The following LGR5 variants were observed in gnomAD, a reference collection of about 807,000 sequenced individuals.
LGR5 encodes leucine-rich repeat-containing G protein-coupled receptor 5.
Under a neutral mutation model 76.7 loss-of-function variants are expected in LGR5, and 54 were observed. The ratio of observed to expected loss-of-function variants is 0.70; its 90% CI spans 0.57 to 0.88. The LOEUF is 0.88. Ranked by LOEUF, LGR5 falls within the 40% of genes least tolerant of loss-of-function variation. The pLI is 0.00. For synonymous variants in LGR5, 406 were observed against 421.9 expected (o/e 0.96, Z 0.46); for missense variants, 1,078 against 1,073.3 (o/e 1.00, Z -0.06).
intron 4 of LGR5, among the ~76,000 whole-genome samples, chr12:71,547,333 A>G (rs953639595): frequency 7.9e-5 from 12 of 152,184 alleles, no homozygotes; most frequent in Non-Finnish European, 4.4e-5. Flanking sequence ...CTGAACATAG[A>G]TTAAAGAATG....
At chr12:71,447,480 A>G (rs1293273839) in intron 1 of LGR5, among the ~76,000 whole-genome samples, 1 of 152,252 alleles carries the variant, frequency 6.6e-6, no homozygotes, top group Non-Finnish European at 1.5e-5. Flanking sequence ...ATGTTTTAAA[A>G]TAGTACTCTC....
chr12:71,502,426 G>A (rs932773588), intron 1 of LGR5, among the ~76,000 whole-genome samples: 1 of 151,992 alleles, frequency 6.6e-6, no homozygotes, highest in African/African-American at 2.4e-5. Flanking sequence ...TCAAACTCCT[G>A]ACCTCGGGTG....
intron 1 of LGR5, among the ~76,000 whole-genome samples, chr12:71,502,804 A>C (rs753705235): frequency 2.6e-5 from 4 of 152,220 alleles, no homozygotes; most frequent in Non-Finnish European, 5.9e-5. Flanking sequence ...TGCTTGAAAT[A>C]GGGTAACAAA....
At chr12:71,565,769 G>A (rs915834634) in intron 8 of LGR5, among the ~76,000 whole-genome samples, 1 of 151,564 alleles carries the variant, frequency 6.6e-6, no homozygotes, top group Admixed American at 6.6e-5. Context: ...GAATGACTCA[G>A]CTAAAAAGTA....
At chr12:71,472,991 A>T (rs1266408821) in intron 1 of LGR5, among the ~76,000 whole-genome samples, 1 of 152,220 alleles carries the variant, frequency 6.6e-6, no homozygotes, top group Non-Finnish European at 1.5e-5. Context: ...TTTAGGTTAA[A>T]TTCTCTCTCC....
chr12:71,502,312 C>T (rs1450580757), intron 1 of LGR5, among the ~76,000 whole-genome samples: 1 of 151,468 alleles, frequency 6.6e-6, no homozygotes, highest in Non-Finnish European at 1.5e-5. Context: ...ATTCTCTTGC[C>T]TCAGCCTCCC....
intron 13 of LGR5, among the ~76,000 whole-genome samples, chr12:71,574,561 TTAAA>T (rs1878767654): frequency 6.6e-6 from 1 of 152,304 alleles, no homozygotes; most frequent in Admixed American, 6.5e-5. Flanking sequence ...TTATTCTTTC[TTAAA>T]TAAATATCTA....
intron 1 of LGR5, among the ~76,000 whole-genome samples, chr12:71,492,858 C>T (rs1334252349): frequency 6.6e-6 from 1 of 151,186 alleles, no homozygotes; most frequent in African/African-American, 2.5e-5. Flanking sequence ...AACATAGAAG[C>T]CTTTGATATT....
chr12:71,439,880 C>T lies in LGR5; in HGVS notation c.-201C>T. 3.7e-6 allele frequency: 2 copies of T among 539,804 alleles called. No individual in the cohort carries two copies. Among genetic ancestry groups the T allele is most frequent in the Non-Finnish European group, 6.4e-6 (2 of 311,008 alleles). The allele number at this position is 539,804 out of a possible 1,614,324, so 33.4% of individuals were successfully genotyped here. On this transcript the variant is annotated 5_prime_UTR_variant, in exon 1 of 18. Coordinates refer to ENST00000266674, the MANE Select transcript of LGR5 (RefSeq NM_003667.4). Reference sequence around the variant, plus strand: ...CAGCCAGGGCTGCTCCGAAGGCCGGCGTGGCGGCAACCGGCACCTCTGTCC... The same window carrying T: ...CAGCCAGGGCTGCTCCGAAGGCCGGTGTGGCGGCAACCGGCACCTCTGTCC...
At chr12:71,491,343 GA>G (rs1874062958) in intron 1 of LGR5, among the ~76,000 whole-genome samples, 1 of 152,084 alleles carries the variant, frequency 6.6e-6, no homozygotes, top group Non-Finnish European at 1.5e-5. Flanking sequence ...AAAGTCCAAG[GA>G]ATCCTTTTAA....
At chr12:71,500,691 G>A (rs1474163021) in intron 1 of LGR5, among the ~76,000 whole-genome samples, 3 of 151,764 alleles carry the variant, frequency 2.0e-5, no homozygotes, top group Non-Finnish European at 4.4e-5. Context: ...CAAACTCTTG[G>A]CCTTAAGAAA....
intron 11 of LGR5, among the ~76,000 whole-genome samples, chr12:71,569,847 A>G (rs936496204): frequency 6.6e-6 from 1 of 152,210 alleles, no homozygotes; most frequent in African/African-American, 2.4e-5. Context: ...TATTATAAAG[A>G]TATATGCCCA....
Position 71,583,658 on chromosome 12 carries a change from C to T in LGR5, c.1648C>T (p.Pro550Ser). ...CCTTGGACTTCTAGGCCCCTTCAAA[C>T]CCTGTGAACACCTGCTTGATGGCTG... Reference protein sequence around the residue: ...QCSPSPGPFKPCEHLLDGWLI... With the variant: ...QCSPSPGPFKSCEHLLDGWLI... The change falls in exon 18 of 18, where the codon CCC becomes TCC. Residue 550 changes from proline (P) to serine (S), a missense_variant. Physicochemically the swap from Pro to Ser is moderately conservative, Grantham distance 74 (BLOSUM62 -1). Coordinates refer to ENST00000266674, the MANE Select transcript of LGR5 (RefSeq NM_003667.4). The T allele has an allele frequency of 6.2e-7, 1 of 1,612,024 alleles. No individual in the cohort carries two copies. Among genetic ancestry groups the T allele is most frequent in the South Asian group, 1.1e-5 (1 of 90,884 alleles).
chr12:71,488,015 A>G (rs758038192), intron 1 of LGR5, among the ~76,000 whole-genome samples: 7 of 152,320 alleles, frequency 4.6e-5, no homozygotes, highest in Non-Finnish European at 1.0e-4. Flanking sequence ...TTAGAAAGCC[A>G]GTTTCCTGAA....
intron 2 of LGR5, among the ~76,000 whole-genome samples, chr12:71,511,009 C>T (rs1024566704): frequency 6.6e-6 from 1 of 152,072 alleles, no homozygotes; most frequent in Non-Finnish European, 1.5e-5. Flanking sequence ...CCAGTTAAGC[C>T]ATGTATGGAA....
chr12:71,444,134 A>G (rs1003336317), intron 1 of LGR5, among the ~76,000 whole-genome samples: 1 of 152,070 alleles, frequency 6.6e-6, no homozygotes, highest in African/African-American at 2.4e-5. Flanking sequence ...TTTGAAAATG[A>G]GTTAATATAG....
chr12:71,519,211 G>A (rs1875601897), intron 2 of LGR5, among the ~76,000 whole-genome samples: 1 of 152,014 alleles, frequency 6.6e-6, no homozygotes, highest in Non-Finnish European at 1.5e-5. Flanking sequence ...CAGGAATTTT[G>A]TCCTACTGTT....
In LGR5 at chr12:71,569,537, G is replaced by A. The variant is rs535986692; in HGVS notation, c.1071-1977G>A. 3.9e-5 allele frequency among the ~76,000 whole-genome samples: 6 copies of A among 152,210 alleles called. No homozygotes were observed. In the South Asian group the frequency reaches 1.0e-3, roughly 26 times the overall value. The stretch of plus-strand genomic sequence containing the variant: ...TCTCAAAAAAAAAGACATACATGCA[G>A]CCAACAAACAGATGAAAAATAGTTC... On this transcript the variant is annotated intron_variant, in intron 11 of 17. Coordinates refer to ENST00000266674, the MANE Select transcript of LGR5 (RefSeq NM_003667.4).
Position 71,583,873 on chromosome 12 carries a change from TG to T in LGR5, c.1865del (p.Gly622AlafsTer45). The T allele has an allele frequency of 6.2e-7, 1 of 1,614,184 alleles. No individual in the cohort carries two copies. Among genetic ancestry groups the T allele is most frequent in the Non-Finnish European group, 8.5e-7 (1 of 1,180,036 alleles). On this transcript the variant is annotated frameshift_variant, in exon 18 of 18. Coordinates refer to ENST00000266674, the MANE Select transcript of LGR5 (RefSeq NM_003667.4). LOFTEE classifies it low-confidence loss of function (END_TRUNC). ...VLAGVDAFTF[G>X]SFARHGAWWE... Reference sequence around the variant, plus strand: ...TGGCTGGTGTGGATGCGTTCACTTTTGGCAGCTTTGCACGACATGGTGCCTG... The same window carrying T: ...TGGCTGGTGTGGATGCGTTCACTTTTGCAGCTTTGCACGACATGGTGCCTG...
Sources: gnomAD v4.1 joint callset for allele counts (sites outside exome capture counted in the v4.1 genomes callset) on GRCh38, gnomAD v4.1.1 for gene constraint, MANE v1.5 for transcripts, NCBI Gene and HGNC (gene_info 2026-07-23, HGNC 2026-07-21) for gene names.